ARMC3: variants seen among roughly 807,000 people sequenced by gnomAD.
ARMC3 encodes armadillo repeat-containing protein 3.
ARMC3 carries 74 observed loss-of-function variants against 90.3 expected under a neutral mutation model. The ratio of observed to expected loss-of-function variants is 0.82; its 90% CI spans 0.68 to 0.99. ARMC3 has a LOEUF of 0.99. Among genes scored for constraint, ARMC3 ranks in the 50% least tolerant of loss-of-function variants. ARMC3 has a pLI of 0.00. For synonymous variants in ARMC3, 334 were observed against 361.8 expected (o/e 0.92, Z 0.87); for missense variants, 958 against 1,042.8 (o/e 0.92, Z 1.12).
At position 23,030,624 on chromosome 10, in the gene ARMC3, A is replaced by G. The variant is rs1388681053; in HGVS notation, c.2074A>G (p.Lys692Glu). 23 of 1,613,408 alleles carry G rather than the reference A, an allele frequency of 1.4e-5. No homozygotes were observed. Among genetic ancestry groups the G allele is most frequent in the Non-Finnish European group, 1.9e-5 (22 of 1,179,766 alleles). Reference protein sequence around the residue: ...RKSKGKKEEEKVKEEEEVMVV... With the variant: ...RKSKGKKEEEEVKEEEEVMVV... ...AAGCAAAGGAAAAAAAGAAGAGGAA[A>G]AAGTGAAAGAGGAGGAAGAGGTTAT... is the stretch of plus-strand genomic sequence containing the variant. Residue 692 changes from lysine to glutamate, a missense_variant, in exon 17 of 19, where the codon AAA becomes GAA. Physicochemically the swap from Lys to Glu is moderately conservative, Grantham distance 56. Coordinates refer to ENST00000298032, the MANE Select transcript of ARMC3 (RefSeq NM_173081.5).
In ARMC3 at chr10:22,985,296, T is replaced by C. The variant is rs80229629; in HGVS notation, c.1175+3596T>C. Among the ~76,000 whole-genome samples the C allele has an allele frequency of 3.3e-5, 5 of 152,246 alleles. No individual in the cohort carries two copies. The East Asian group carries it at 9.6e-4, about 29-fold the overall frequency. On this transcript the variant is annotated intron_variant, in intron 10 of 18. Coordinates refer to ENST00000298032, the MANE Select transcript of ARMC3 (RefSeq NM_173081.5). ...GACTGCCATGTGACCCTCGGAGGTGTTCTCAGTGCCCCTTGGGGAAGGGGG... is the reference window on the plus strand; with the variant it reads ...GACTGCCATGTGACCCTCGGAGGTGCTCTCAGTGCCCCTTGGGGAAGGGGG...
intron 1 of ARMC3, among the ~76,000 whole-genome samples, chr10:22,929,267 GGAGA>G (rs931480338): frequency 6.1e-5 from 8 of 131,232 alleles, no homozygotes; most frequent in Non-Finnish European, 1.1e-4. Context: ...AGAGAGAGAG[GGAGA>G]GAGAGAGAGA....
chr10:23,020,782 T>G (rs1481290369), intron 16 of ARMC3, among the ~76,000 whole-genome samples: 2 of 152,200 alleles, frequency 1.3e-5, no homozygotes, highest in East Asian at 3.8e-4. Context: ...ATTTTTTAAA[T>G]TGGGCTTTTG....
At chr10:22,957,518 G>T (rs1834995964) in intron 4 of ARMC3, among the ~76,000 whole-genome samples, 1 of 152,116 alleles carries the variant, frequency 6.6e-6, no homozygotes, top group Non-Finnish European at 1.5e-5. Flanking sequence ...GGACAGTCAT[G>T]GCGGAGTGCA....
intron 16 of ARMC3, among the ~76,000 whole-genome samples, chr10:23,013,335 TATTCATTCTTTATTTTCTTTAC>T (rs1838109106): frequency 6.6e-6 from 1 of 152,240 alleles, no homozygotes; most frequent in Admixed American, 6.5e-5. Flanking sequence ...GGCAAGTTCC[TATTCATTCTTTATTTTCTTTAC>T]AGCTTTGTTT....
chr10:22,956,761 AATTAATATCAAT>A (rs1302949750), intron 4 of ARMC3, among the ~76,000 whole-genome samples: 1 of 90,822 alleles, frequency 1.1e-5, no homozygotes, highest in Non-Finnish European at 2.6e-5. Context: ...ATCAATATAC[AATTAATATCAAT>A]ATATTAATAT....
At chr10:23,002,548 CTCTTTCTTTCTTTCTTTCTT>C (rs137938291) in intron 12 of ARMC3, among the ~76,000 whole-genome samples, 6,594 of 147,550 alleles carry the variant, frequency 0.045, 487 homozygotes, top group African/African-American at 0.16. Context: ...CATTTCTTTT[CTCTTTCTTTCTTTCTTTCTT>C]TCTTTCTTTC....
At chr10:22,936,888 T>C (rs1205906797) in intron 2 of ARMC3, among the ~76,000 whole-genome samples, 1 of 152,158 alleles carries the variant, frequency 6.6e-6, no homozygotes, top group Non-Finnish European at 1.5e-5. Context: ...CCCTTTAAGC[T>C]TCTCATACCC....
chr10:23,023,592 C>T (rs371723566), intron 16 of ARMC3, among the ~76,000 whole-genome samples: 2 of 152,122 alleles, frequency 1.3e-5, no homozygotes, highest in African/African-American at 2.4e-5. Flanking sequence ...CAATCCATTA[C>T]AAATTTTCTT....
chr10:23,024,665 CT>C (rs1396690885), intron 16 of ARMC3, among the ~76,000 whole-genome samples: 1 of 152,004 alleles, frequency 6.6e-6, no homozygotes, highest in African/African-American at 2.4e-5. Context: ...ACTGTAACCA[CT>C]AAAAAACCTA....
chr10:23,006,578 C>T (rs1262397519), intron 13 of ARMC3, among the ~76,000 whole-genome samples: 1 of 152,142 alleles, frequency 6.6e-6, no homozygotes, highest in East Asian at 1.9e-4. Flanking sequence ...TCAGCTCTCC[C>T]TTAGGTATAT....
At chr10:22,969,091 G>C (rs1835571675) in intron 8 of ARMC3, among the ~76,000 whole-genome samples, 1 of 152,152 alleles carries the variant, frequency 6.6e-6, no homozygotes, top group Non-Finnish European at 1.5e-5. Context: ...TTGTGAACCT[G>C]AGAGCATTGA....
chr10:22,951,003 T>A (rs1834720068), intron 3 of ARMC3, among the ~76,000 whole-genome samples: 2 of 150,178 alleles, frequency 1.3e-5, no homozygotes, highest in South Asian at 4.2e-4. Context: ...AGTGGCGCAA[T>A]CTCGGCTCAC....
In ARMC3 at chr10:22,969,098, T is replaced by C. The variant is rs187606251; in HGVS notation, c.916+609T>C. ...TGCATTGTTTGTGAACCTGAGAGCA[T>C]TGAAGAAATCCACATTCACAATGAT... On this transcript the variant is annotated intron_variant, in intron 8 of 18. Transcript: ENST00000298032. 2.0e-3 allele frequency among the ~76,000 whole-genome samples: 301 copies of C among 152,314 alleles called. 1 individual carries two copies. Among genetic ancestry groups the C allele is most frequent in the African/African-American group, 6.8e-3 (282 of 41,566 alleles).
At chr10:22,996,768 G>A (rs561186124) in intron 10 of ARMC3, among the ~76,000 whole-genome samples, 1 of 152,264 alleles carries the variant, frequency 6.6e-6, no homozygotes, top group East Asian at 1.9e-4. Flanking sequence ...TCTTTATGGA[G>A]ATTTCATTTA....
Position 22,928,106 on chromosome 10 carries a change from G to A in ARMC3, c.-2G>A, listed in dbSNP as rs1040526246. ...AGCTACTCGGCGGGATCTCCCGGCA[G>A]GTAAAGGTAACCCCGTGGGGTGGGG... On this transcript the variant is annotated splice_region_variant and 5_prime_UTR_variant, in exon 1 of 19. Coordinates refer to ENST00000298032, the MANE Select transcript of ARMC3 (RefSeq NM_173081.5). 3 of 152,598 alleles carry A rather than the reference G, an allele frequency of 2.0e-5. No individual in the cohort carries two copies. Among genetic ancestry groups the A allele is most frequent in the African/African-American group, 7.2e-5 (3 of 41,488 alleles). The allele number at this position is 152,598 out of a possible 1,614,324, so 9.5% of individuals were successfully genotyped here.
intron 8 of ARMC3, among the ~76,000 whole-genome samples, chr10:22,976,915 T>C (rs1372261312): frequency 6.6e-6 from 1 of 152,200 alleles, no homozygotes; most frequent in African/African-American, 2.4e-5. Flanking sequence ...GAATAACTCT[T>C]GAGCTAGAAT....
At chr10:22,960,132 A>AC in intron 6 of ARMC3, 1 of 249,494 alleles carries the variant, frequency 4.0e-6, no homozygotes, top group Non-Finnish European at 7.7e-6. Flanking sequence ...TTGCACCCCA[A>AC]CCCCCAGAAT....
rs184981348 is a variant in ARMC3, at chr10:23,038,382, A to G, written c.*903A>G. The G allele has an allele frequency of 6.6e-6, 1 of 152,298 alleles. No individual in the cohort carries two copies. Among genetic ancestry groups the G allele is most frequent in the African/African-American group, 2.4e-5 (1 of 41,574 alleles). The allele number at this position is 152,298 out of a possible 1,614,324, so 9.4% of individuals were successfully genotyped here. ...TATTGCCTAGTCACGCTTAAAGTCC[A>G]GTGTTGACCTGTATAGTCATTTTCC... On this transcript the variant is annotated 3_prime_UTR_variant, in exon 19 of 19. Transcript: ENST00000298032.
Sources: allele counts gnomAD v4.1 joint callset (sites outside exome capture counted in the v4.1 genomes callset), GRCh38; gene constraint gnomAD v4.1.1; transcripts MANE v1.5; gene names NCBI Gene and HGNC (gene_info 2026-07-23, HGNC 2026-07-21).